SNX7: variants seen among roughly 807,000 people sequenced by gnomAD.
SNX7 encodes sorting nexin 7.
Under a neutral mutation model 48.4 loss-of-function variants are expected in SNX7, and 35 were observed. The ratio of observed to expected loss-of-function variants is 0.72; its 90% confidence interval spans 0.55 to 0.96. SNX7 has a LOEUF of 0.96. Ranked by LOEUF, SNX7 falls within the 40% of genes least tolerant of loss-of-function variation. The probability of loss-of-function intolerance (pLI) is 0.00; values close to 1 mark genes in which losing one functional copy is unlikely to be tolerated. For missense variants in SNX7, 553 were observed against 548.9 expected (o/e 1.01, Z -0.07); for synonymous variants, 190 against 190.2 (o/e 1.00, Z 0.01).
Position 98,760,417 on chromosome 1 carries a change from A to AT in SNX7, c.*294dup, listed in dbSNP as rs1201807514. 4 of 249,544 alleles carry AT rather than the reference A, an allele frequency of 1.6e-5. No homozygotes were observed. Among genetic ancestry groups the AT allele is most frequent in the Non-Finnish European group, 3.1e-5 (4 of 130,808 alleles). The allele number at this position is 249,544 out of a possible 1,614,324, so 15.5% of individuals were successfully genotyped here. On this transcript the variant is annotated 3_prime_UTR_variant, in exon 9 of 9. Transcript: ENST00000306121. ...TTTGTGTGCCAATAATTGCATATAGATTTTTTTTCTTAAATATTTGACTGT... is the reference window on the plus strand; with the variant it reads ...TTTGTGTGCCAATAATTGCATATAGATTTTTTTTTCTTAAATATTTGACTGT...
In SNX7 at chr1:98,698,690, C is replaced by CT. The variant is rs77052435; in HGVS notation, c.839-3dup. 0.024 allele frequency: 29,286 copies of CT among 1,244,280 alleles called. 4 individuals are homozygous for CT. The highest frequency in any genetic ancestry group is 0.025 in the Non-Finnish European group (22,585 of 889,184). The allele number at this position is 1,244,280 out of a possible 1,614,324, so 77.1% of individuals were successfully genotyped here. On this transcript the variant is annotated splice_polypyrimidine_tract_variant and intron_variant, in intron 5 of 8. Transcript: ENST00000306121. ...TTGTTTATTGAAGAGCTTATTAAGTCTTTTTTTTTTTTTAGAATATTTTGA... is the reference window on the plus strand; with the variant it reads ...TTGTTTATTGAAGAGCTTATTAAGTCTTTTTTTTTTTTTTAGAATATTTTGA...
intron 2 of SNX7, among the ~76,000 whole-genome samples, 195 bp downstream of exon 2, chr1:98,685,262 A>G (rs1167134278): frequency 1.3e-5 from 2 of 152,132 alleles, no homozygotes; most frequent in African/African-American, 2.4e-5. Flanking sequence ...GTGAAATTCA[A>G]CTTGACTTGA....
intron 1 of SNX7, among the ~76,000 whole-genome samples, chr1:98,679,357 A>G (rs1218043816): frequency 6.6e-6 from 1 of 152,160 alleles, no homozygotes; most frequent in East Asian, 1.9e-4. Flanking sequence ...TGGGAGTTAC[A>G]ATTCAAGATG....
chr1:98,756,615 C>T (rs1313112439), intron 8 of SNX7, among the ~76,000 whole-genome samples: 1 of 151,682 alleles, frequency 6.6e-6, no homozygotes, highest in Non-Finnish European at 1.5e-5. Flanking sequence ...AGTCTTCTCA[C>T]ATGCATGTGC....
intron 4 of SNX7, among the ~76,000 whole-genome samples, chr1:98,694,389 A>AAT (rs1651329876): frequency 6.6e-6 from 1 of 151,292 alleles, no homozygotes; most frequent in Admixed American, 6.6e-5. Context: ...AAAAAAAAAA[A>AAT]AGTTTTCTCT....
chr1:98,676,447 C>A lies in SNX7; in HGVS notation c.181-8438C>A, dbSNP rs944766601. Reference sequence around the variant, plus strand: ...GTGTAATGCTTAAATGATCACAAATCTTTTTGTGATAATAGGCTGAACCTT... The same window carrying A: ...GTGTAATGCTTAAATGATCACAAATATTTTTGTGATAATAGGCTGAACCTT... On this transcript the variant is annotated intron_variant, in intron 1 of 8. Coordinates refer to ENST00000306121, the MANE Select transcript of SNX7 (RefSeq NM_015976.5). Among the ~76,000 whole-genome samples, 4 of 152,110 alleles carry A rather than the reference C, an allele frequency of 2.6e-5. No homozygotes were observed. The East Asian group carries it at 7.7e-4, about 29-fold the overall frequency.
In SNX7 at chr1:98,742,556, CT is replaced by C. The variant is rs567071903; in HGVS notation, c.1278+4170del. Among the ~76,000 whole-genome samples, 917 of 152,044 alleles carry C rather than the reference CT, an allele frequency of 6.0e-3. 6 individuals carry two copies. The highest frequency in any genetic ancestry group is 9.3e-3 in the Non-Finnish European group (630 of 67,964). On this transcript the variant is annotated intron_variant, in intron 8 of 8. Coordinates refer to ENST00000306121, the MANE Select transcript of SNX7 (RefSeq NM_015976.5). ...GCTTATTTTATAATATAGTTCATTC[CT>C]TTGAATAGTTTATTTTAAAATTATT...
chr1:98,679,526 C>T (rs1399324937), intron 1 of SNX7, among the ~76,000 whole-genome samples: 3 of 152,278 alleles, frequency 2.0e-5, no homozygotes, highest in East Asian at 3.9e-4. Flanking sequence ...CAAAGTCTCA[C>T]GTGAGACAAG....
intron 1 of SNX7, among the ~76,000 whole-genome samples, chr1:98,678,170 C>T (rs922392805): frequency 6.6e-6 from 1 of 152,058 alleles, no homozygotes; most frequent in Non-Finnish European, 1.5e-5. Flanking sequence ...AGGCAGCTTA[C>T]GATTGTAGCG....
At chr1:98,675,343 T>C (rs1368985986) in intron 1 of SNX7, among the ~76,000 whole-genome samples, 1 of 152,216 alleles carries the variant, frequency 6.6e-6, no homozygotes, top group Non-Finnish European at 1.5e-5. Flanking sequence ...TATTGAGGTT[T>C]TAAGAATGCT....
At chr1:98,705,394 C>A (rs767562307) in intron 7 of SNX7, among the ~76,000 whole-genome samples, 2 of 152,150 alleles carry the variant, frequency 1.3e-5, no homozygotes, top group Non-Finnish European at 2.9e-5. Flanking sequence ...TTTCTAACTT[C>A]TTTCAGCCTC....
intron 8 of SNX7, among the ~76,000 whole-genome samples, chr1:98,751,326 A>G (rs748937669): frequency 2.0e-5 from 3 of 152,102 alleles, no homozygotes; most frequent in Non-Finnish European, 4.4e-5. Flanking sequence ...CTGAAGTAGC[A>G]AGAGATTTAT....
At chr1:98,743,182 A>G (rs1212836327) in intron 8 of SNX7, among the ~76,000 whole-genome samples, 1 of 151,980 alleles carries the variant, frequency 6.6e-6, no homozygotes, top group Non-Finnish European at 1.5e-5. Context: ...AGATTCTGTT[A>G]TCATCAAAGC....
chr1:98,699,031 T>C, intron 6 of SNX7, 126 bp downstream of exon 6: 1 of 777,262 alleles, frequency 1.3e-6, no homozygotes, highest in Non-Finnish European at 2.1e-6. Flanking sequence ...TGCATGTAGA[T>C]GTTCAATAAA....
At chr1:98,661,678 G>T, upstream of SNX7, 1 of 1,191,272 alleles carries the variant, frequency 8.4e-7, no homozygotes, top group Non-Finnish European at 1.0e-6. Flanking sequence ...GGGCACGCTC[G>T]GGGGAGCCGG....
intron 1 of SNX7, among the ~76,000 whole-genome samples, chr1:98,664,610 A>G (rs1192775578): frequency 6.6e-6 from 1 of 152,228 alleles, no homozygotes; most frequent in Non-Finnish European, 1.5e-5. Context: ...TTTTGTGTTA[A>G]GTATGCTTTA....
At chr1:98,689,390 G>A (rs765447957) in intron 2 of SNX7, among the ~76,000 whole-genome samples, 4 of 152,058 alleles carry the variant, frequency 2.6e-5, no homozygotes, top group African/African-American at 4.8e-5. Context: ...TATTCTTCTC[G>A]TTGCTTGCAC....
At chr1:98,703,484 T>C (rs530202100) in intron 7 of SNX7, among the ~76,000 whole-genome samples, 5 of 152,170 alleles carry the variant, frequency 3.3e-5, no homozygotes, top group Non-Finnish European at 5.9e-5. Flanking sequence ...GGTGGGCTGC[T>C]GTAGACAGAG....
At chr1:98,753,605 C>T (rs1394881460) in intron 8 of SNX7, among the ~76,000 whole-genome samples, 1 of 152,016 alleles carries the variant, frequency 6.6e-6, no homozygotes, top group Non-Finnish European at 1.5e-5. Flanking sequence ...GATAGTTTTG[C>T]AGTTATTAAA....
Sources: gnomAD v4.1 joint callset for allele counts (sites outside exome capture counted in the v4.1 genomes callset) on GRCh38, gnomAD v4.1.1 for gene constraint, MANE v1.5 for transcripts, NCBI Gene and HGNC (gene_info 2026-07-23, HGNC 2026-07-21) for gene names.